The following MROH7 variants were observed in gnomAD, a reference collection of about 807,000 sequenced individuals.
MROH7 encodes maestro heat-like repeat-containing protein family member 7.
MROH7 carries 113 observed loss-of-function variants against 129.2 expected under a neutral mutation model. The observed-to-expected ratio is 0.87, with a 90% CI of 0.75 to 1.02. The LOEUF (loss-of-function observed/expected upper bound fraction) is 1.02, where lower values mean the gene tolerates loss of function less well. Among genes scored for constraint, MROH7 ranks in the 50% least tolerant of loss-of-function variants. The pLI is 0.00. For synonymous variants in MROH7, 655 were observed against 667.9 expected, an observed-to-expected ratio of 0.98 and a Z score of 0.30; for missense variants, 1,601 against 1,671.3, an observed-to-expected ratio of 0.96 and a Z score of 0.73.
intron 3 of MROH7, among the ~76,000 whole-genome samples, chr1:54,656,527 A>C (rs1352264561): frequency 1.1e-4 from 15 of 133,956 alleles, no homozygotes; most frequent in Non-Finnish European, 2.3e-4. Flanking sequence ...AAAAAAAAAA[A>C]AGCTTTTTTT....
intron 11 of MROH7, 64 bp from the exon 12 acceptor site, chr1:54,679,199 A>C: frequency 2.6e-6 from 4 of 1,554,474 alleles, no homozygotes; most frequent in South Asian, 2.2e-5. Flanking sequence ...TCTGTGCACA[A>C]AGCTCGAAGC....
chr1:54,699,183 CTTTCTCTTTCTT>C (rs1276774562), intron 17 of MROH7: 1 of 127,460 alleles, frequency 7.8e-6, no homozygotes, highest in African/African-American at 3.1e-5. Context: ...TTCTTTCTTT[CTTTCTCTTTCTT>C]TCTTTCTTTC....
chr1:54,687,832 G>A (rs377362040), intron 15 of MROH7, among the ~76,000 whole-genome samples: 7 of 150,228 alleles, frequency 4.7e-5, no homozygotes, highest in Non-Finnish European at 7.4e-5. Context: ...TTTAGTATGC[G>A]TTTCTCTTAT....
rs765826194 is a variant in MROH7 at position 54,699,094 on chromosome 1, T to TTTTCTTTCTTTCTTTC, written c.2965-1175_2965-1160dup. The TTTTCTTTCTTTCTTTC allele has an allele frequency of 4.6e-4, 45 of 98,288 alleles. 1 individual carries two copies. Among genetic ancestry groups the TTTTCTTTCTTTCTTTC allele is most frequent in the East Asian group, 1.3e-3 (4 of 2,972 alleles). 6.1% of individuals were successfully genotyped at this position (98,288 alleles called of 1,614,324 possible). On this transcript the variant is annotated intron_variant, in intron 17 of 23. Coordinates refer to ENST00000421030, the MANE Select transcript of MROH7 (RefSeq NM_001039464.4). ...TAGGTGTGAGCCACCTTGCCTGGCC[T>TTTTCTTTCTTTCTTTC]TTTCTTTCTTTCTTTCTTTCTTTCT... is the stretch of plus-strand genomic sequence containing the variant.
chr1:54,672,292 T>C (rs1202815567), intron 7 of MROH7, among the ~76,000 whole-genome samples: 2 of 151,828 alleles, frequency 1.3e-5, no homozygotes, highest in African/African-American at 4.8e-5. Context: ...GTGGTTGTGG[T>C]ATAACCCCAA....
intron 22 of MROH7, among the ~76,000 whole-genome samples, chr1:54,708,417 A>AAAACAAACAAACAAACAAAC (rs55969302): frequency 2.0e-3 from 302 of 150,670 alleles, no homozygotes; most frequent in African/African-American, 7.2e-3. Context: ...ACACTGTCTA[A>AAAACAAACAAACAAACAAAC]AAACAAACAA....
intron 15 of MROH7, among the ~76,000 whole-genome samples, chr1:54,692,181 C>G (rs1645250507): frequency 6.6e-6 from 1 of 152,232 alleles, no homozygotes; most frequent in African/African-American, 2.4e-5. Flanking sequence ...GAGAGAGAGG[C>G]TGGTCCCAGA....
At position 54,647,478 on chromosome 1, in the gene MROH7, G is replaced by A. The variant is rs1023974825; in HGVS notation, c.-109-4471G>A. On this transcript the variant is annotated intron_variant, in intron 1 of 23. Transcript: ENST00000421030. ...AAAAAGGCTGGGCATGGTGGCTCAC[G>A]CCTGTAATCCCAGCACCTTCGCAGG... is the stretch of plus-strand genomic sequence containing the variant. Among the ~76,000 whole-genome samples the A allele has an allele frequency of 3.3e-5, 5 of 152,004 alleles. 1 individual carries two copies. In the South Asian group the frequency reaches 6.2e-4, roughly 19 times the overall value.
rs573086314 is a variant in MROH7, at chr1:54,706,464, A to G, written c.3594A>G (p.Ile1198Met). Reference sequence around the variant, plus strand: ...ACACCCACCGAGACAGCGCCTTCATATTCCTCAGCCAGAGCCTGGAGTATG... The same window carrying G: ...ACACCCACCGAGACAGCGCCTTCATGTTCCTCAGCCAGAGCCTGGAGTATG... ...LVNTHRDSAF[I>M]FLSQSLEYAK... The change falls in exon 22 of 24, where the codon ATA becomes ATG. Residue 1198 changes from isoleucine to methionine, a missense_variant. Transcript: ENST00000421030. 6.2e-7 allele frequency: 1 copy of G among 1,613,610 alleles called. No homozygotes were observed. Among genetic ancestry groups the G allele is most frequent in the Non-Finnish European group, 8.5e-7 (1 of 1,179,938 alleles).
At chr1:54,680,375 A>G (rs548164626) in intron 13 of MROH7, among the ~76,000 whole-genome samples, 1 of 152,324 alleles carries the variant, frequency 6.6e-6, no homozygotes, top group Admixed American at 6.5e-5. Context: ...ACCAGCCCAG[A>G]GCTCTTTAAC....
In MROH7 at chr1:54,661,608, A is replaced by G. The variant is rs78478660; in HGVS notation, c.1232-3559A>G. Among the ~76,000 whole-genome samples, 868 of 102,460 alleles carry G rather than the reference A, an allele frequency of 8.5e-3. 8 individuals carry two copies. Among genetic ancestry groups the G allele is most frequent in the East Asian group, 0.045 (150 of 3,352 alleles). 67.2% of individuals were successfully genotyped at this position (102,460 alleles called of 152,430 possible). On this transcript the variant is annotated intron_variant, in intron 3 of 23. Coordinates refer to ENST00000421030, the MANE Select transcript of MROH7 (RefSeq NM_001039464.4). Reference sequence around the variant, plus strand: ...TGTTTGTTTGTTTGTTTGTTTGTTTATTTTGAGACAGAGTTTTGCTCTTGT... The same window carrying G: ...TGTTTGTTTGTTTGTTTGTTTGTTTGTTTTGAGACAGAGTTTTGCTCTTGT...
intron 16 of MROH7, among the ~76,000 whole-genome samples, chr1:54,694,717 G>A (rs904917636): frequency 6.6e-6 from 1 of 152,190 alleles, no homozygotes; most frequent in Non-Finnish European, 1.5e-5. Context: ...TGATCTGCCC[G>A]TCTCAGCCTC....
At chr1:54,691,962 C>T (rs1197020825) in intron 15 of MROH7, among the ~76,000 whole-genome samples, 3 of 149,198 alleles carry the variant, frequency 2.0e-5, no homozygotes, top group South Asian at 4.2e-4. Context: ...GCTTCTTAGG[C>T]TCATTCTGGA....
At position 54,670,581 on chromosome 1, in the gene MROH7, C is replaced by G. The variant is rs773575765; in HGVS notation, c.1469+5C>G. Reference sequence around the variant, plus strand: ...GGAGATCCTGACCCAGCTGAGGTGTCCATGGCCCTCTCCCTGTTCCCACAG... The same window carrying G: ...GGAGATCCTGACCCAGCTGAGGTGTGCATGGCCCTCTCCCTGTTCCCACAG... On this transcript the variant is annotated splice_donor_5th_base_variant and intron_variant, in intron 6 of 23. Transcript: ENST00000421030. 1 of 1,610,496 alleles carries G rather than the reference C, an allele frequency of 6.2e-7. No homozygotes were observed. The highest frequency in any genetic ancestry group is 1.1e-5 in the South Asian group (1 of 90,196).
At chr1:54,708,266 T>C (rs1570009656) in intron 22 of MROH7, among the ~76,000 whole-genome samples, 1 of 152,078 alleles carries the variant, frequency 6.6e-6, no homozygotes, top group African/African-American at 2.4e-5. Context: ...AAAAAACAGA[T>C]ACTTAAAAAA....
chr1:54,648,372 A>ATTTT (rs1207373736), intron 1 of MROH7, among the ~76,000 whole-genome samples: 30 of 127,196 alleles, frequency 2.4e-4, no homozygotes, highest in African/African-American at 7.8e-4. Context: ...TTATTTATTT[A>ATTTT]TTTATTTTTT....
intron 17 of MROH7, among the ~76,000 whole-genome samples, chr1:54,696,768 T>A (rs1362602166): frequency 6.8e-6 from 1 of 146,748 alleles, no homozygotes; most frequent in Non-Finnish European, 1.5e-5. Flanking sequence ...GCCTCCCAGA[T>A]TCAAGCAATT....
At chr1:54,667,020 T>C (rs1460632063) in intron 4 of MROH7, among the ~76,000 whole-genome samples, 1 of 152,150 alleles carries the variant, frequency 6.6e-6, no homozygotes, top group South Asian at 2.1e-4. Flanking sequence ...GGGGTATCAG[T>C]TTCTGAGCCC....
intron 14 of MROH7, 88 bp downstream of exon 14, chr1:54,682,882 C>T (rs983009114): frequency 1.1e-5 from 16 of 1,452,030 alleles, no homozygotes; most frequent in Non-Finnish European, 1.3e-5. Context: ...CACCCGGCCT[C>T]GAGTACCGCA....
Sources: gnomAD v4.1 joint callset for allele counts (sites outside exome capture counted in the v4.1 genomes callset) on GRCh38, gnomAD v4.1.1 for gene constraint, MANE v1.5 for transcripts, NCBI Gene and HGNC (gene_info 2026-07-23, HGNC 2026-07-21) for gene names.